HSD17B12: variants seen among roughly 807,000 people sequenced by gnomAD.
The protein encoded by HSD17B12 is very-long-chain 3-oxoacyl-CoA reductase.
Under a neutral mutation model 39.3 loss-of-function variants are expected in HSD17B12, and 32 were observed. That is an observed-to-expected ratio of 0.81 (90% CI 0.61 to 1.09). HSD17B12 has a LOEUF of 1.09. Among genes scored for constraint, HSD17B12 ranks in the 50% least tolerant of loss-of-function variants. The pLI is 0.00. For missense variants in HSD17B12, 342 were observed against 382.9 expected, an observed-to-expected ratio of 0.89 and a Z score of 0.89; for synonymous variants, 150 against 146.7, an observed-to-expected ratio of 1.02 and a Z score of -0.16.
chr11:43,710,030 C>G (rs1164303898), intron 1 of HSD17B12, among the ~76,000 whole-genome samples: 1 of 152,112 alleles, frequency 6.6e-6, no homozygotes, highest in Non-Finnish European at 1.5e-5. Flanking sequence ...AACTAGGTAA[C>G]TAAGTTGAAG....
chr11:43,597,855 G>T, the HSD17B12 span, among the ~76,000 whole-genome samples: 1 of 152,068 alleles, frequency 6.6e-6, no homozygotes, highest in Non-Finnish European at 1.5e-5. Context: ...GGCTGGTCTT[G>T]AACTCCTGAC....
At chr11:43,607,647 A>G in the HSD17B12 span, among the ~76,000 whole-genome samples, 1 of 152,228 alleles carries the variant, frequency 6.6e-6, no homozygotes, top group Non-Finnish European at 1.5e-5. Flanking sequence ...GCACAATAAT[A>G]GAAATTCACA....
intron 3 of HSD17B12, among the ~76,000 whole-genome samples, chr11:43,774,889 T>C (rs1379808158): frequency 6.6e-6 from 1 of 152,132 alleles, no homozygotes; most frequent in African/African-American, 2.4e-5. Context: ...ATTCTTGTGA[T>C]TGGTTACATT....
intron 3 of HSD17B12, among the ~76,000 whole-genome samples, chr11:43,769,702 T>C (rs1950631340): frequency 6.6e-6 from 1 of 152,236 alleles, no homozygotes; most frequent in African/African-American, 2.4e-5. Flanking sequence ...GAATGGAGGA[T>C]GCTGCTGTCA....
the HSD17B12 span, among the ~76,000 whole-genome samples, chr11:43,660,781 T>C: frequency 6.6e-6 from 1 of 152,194 alleles, no homozygotes; most frequent in African/African-American, 2.4e-5. Context: ...AACTTAAACA[T>C]TCATCAGCTG....
At chr11:43,841,326 G>T (rs11037666) in intron 9 of HSD17B12, among the ~76,000 whole-genome samples, 4,111 of 152,216 alleles carry the variant, frequency 0.027, 174 homozygotes, top group African/African-American at 0.079. Flanking sequence ...CTCCCACTTC[G>T]TGAGTTGCCA....
chr11:43,652,663 T>A, the HSD17B12 span, among the ~76,000 whole-genome samples: 1 of 151,342 alleles, frequency 6.6e-6, no homozygotes, highest in Non-Finnish European at 1.5e-5. Context: ...GTTTAAAGGA[T>A]ATTACAAAAA....
At chr11:43,732,727 T>C (rs932434972) in intron 1 of HSD17B12, among the ~76,000 whole-genome samples, 3 of 152,116 alleles carry the variant, frequency 2.0e-5, no homozygotes, top group African/African-American at 7.2e-5. Context: ...CTTCTCAAAG[T>C]GCTTGGAATT....
intron 6 of HSD17B12, among the ~76,000 whole-genome samples, chr11:43,822,736 G>T (rs1951195255): frequency 6.6e-6 from 1 of 152,094 alleles, no homozygotes; most frequent in Admixed American, 6.6e-5. Context: ...TATCATTGTT[G>T]GACATTTGGG....
the HSD17B12 span, among the ~76,000 whole-genome samples, chr11:43,565,116 T>C: frequency 1.3e-5 from 2 of 152,122 alleles, no homozygotes; most frequent in African/African-American, 4.8e-5. Context: ...GCCAGGTTGG[T>C]CTTGAACTCC....
At chr11:43,608,120 A>G in the HSD17B12 span, among the ~76,000 whole-genome samples, 1 of 152,150 alleles carries the variant, frequency 6.6e-6, no homozygotes, top group Admixed American at 6.5e-5. Flanking sequence ...TGCAATCCCA[A>G]TACTTTGGGA....
At chr11:43,675,143 A>G in the HSD17B12 span, among the ~76,000 whole-genome samples, 1 of 152,260 alleles carries the variant, frequency 6.6e-6, no homozygotes, top group Non-Finnish European at 1.5e-5. Flanking sequence ...ATGAACTTAC[A>G]TTCATTCTAT....
chr11:43,829,321 A>ATATGAATCTTT (rs1447220441), intron 6 of HSD17B12, among the ~76,000 whole-genome samples: 2 of 152,212 alleles, frequency 1.3e-5, no homozygotes, highest in African/African-American at 4.8e-5. Context: ...CATATATATA[A>ATATGAATCTTT]AGAATATATT....
At chr11:43,623,492 C>T in the HSD17B12 span, among the ~76,000 whole-genome samples, 5 of 151,336 alleles carry the variant, frequency 3.3e-5, no homozygotes, top group African/African-American at 7.3e-5. Flanking sequence ...AAAAAGACTT[C>T]GGCAAAATAT....
chr11:43,742,139 A>ATATATAT lies in HSD17B12; in HGVS notation c.161-8771_161-8770insATATATT, dbSNP rs61178234. ...TATATATATATATATATATATATAT[A>ATATATAT]TTTTTTTTTTTAAATTGAGACAGGA... is the stretch of plus-strand genomic sequence containing the variant. On this transcript the variant is annotated intron_variant, in intron 1 of 10. Coordinates refer to ENST00000278353, the MANE Select transcript of HSD17B12 (RefSeq NM_016142.3). Among the ~76,000 whole-genome samples the ATATATAT allele has an allele frequency of 5.6e-4, 69 of 123,484 alleles. 1 individual carries two copies. The highest frequency in any genetic ancestry group is 1.9e-3 in the African/African-American group (62 of 32,896). 81.0% of individuals were successfully genotyped at this position (123,484 alleles called of 152,430 possible). A position where few individuals can be genotyped will look rare whatever the true frequency, so the allele number is the denominator to read the frequency against.
chr11:43,663,552 A>G, the HSD17B12 span, among the ~76,000 whole-genome samples: 1 of 152,320 alleles, frequency 6.6e-6, no homozygotes, highest in African/African-American at 2.4e-5. Flanking sequence ...ATTTTTGAAT[A>G]TCATCAATTT....
chr11:43,590,437 C>CA, the HSD17B12 span, among the ~76,000 whole-genome samples: 3,545 of 66,202 alleles, frequency 0.054, 194 homozygotes, highest in African/African-American at 0.16. Flanking sequence ...TTAAGTTTAG[C>CA]AAAAAAAAAA....
At chr11:43,696,854 CT>C (rs763387738) in intron 1 of HSD17B12, among the ~76,000 whole-genome samples, 9 of 152,126 alleles carry the variant, frequency 5.9e-5, no homozygotes, top group Non-Finnish European at 8.8e-5. Context: ...AGATCATGTC[CT>C]TTACAGGGAC....
At chr11:43,726,286 A>G (rs948219653) in intron 1 of HSD17B12, among the ~76,000 whole-genome samples, 2 of 152,126 alleles carry the variant, frequency 1.3e-5, no homozygotes, top group African/African-American at 2.4e-5. Flanking sequence ...GGGCGATAAG[A>G]AAAGAGATAA....
Sources: gnomAD v4.1 joint callset for allele counts (sites outside exome capture counted in the v4.1 genomes callset) on GRCh38, gnomAD v4.1.1 for gene constraint, MANE v1.5 for transcripts, NCBI Gene and HGNC (gene_info 2026-07-23, HGNC 2026-07-21) for gene names.